Variants in MRPL1 observed in about 807,000 individuals in gnomAD.
MRPL1 encodes the protein large ribosomal subunit protein uL1m.
MRPL1 carries 28 observed loss-of-function variants against 38.0 expected under a neutral mutation model. The ratio of observed to expected loss-of-function variants is 0.74; its 90% CI spans 0.55 to 1.01. The LOEUF is 1.01. Among genes scored for constraint, MRPL1 ranks in the 50% least tolerant of loss-of-function variants. MRPL1 has a pLI of 0.00. For missense variants in MRPL1, 358 were observed against 389.8 expected, an observed-to-expected ratio of 0.92 and a Z score of 0.69; for synonymous variants, 123 against 126.7, an observed-to-expected ratio of 0.97 and a Z score of 0.20.
chr4:77,886,789 CTTTTTTTTTTTTTTTT>C (rs71214375), intron 4 of MRPL1, among the ~76,000 whole-genome samples: 1 of 90,516 alleles, frequency 1.1e-5, no homozygotes, highest in African/African-American at 4.6e-5. Context: ...TTTGCATTTT[CTTTTTTTTTTTTTTTT>C]TTTTTGAGAT....
At position 77,911,169 on chromosome 4, in the gene MRPL1, A is replaced by G. The variant is rs1736279789; in HGVS notation, c.777+1797A>G. On this transcript the variant is annotated intron_variant, in intron 7 of 8. Coordinates refer to ENST00000315567, the MANE Select transcript of MRPL1 (RefSeq NM_020236.4). ...GGTTTTGAAGATTACATAAAATTTTAAAATGGTAACATCTATTGTTATTGT... is the reference window on the plus strand; with the variant it reads ...GGTTTTGAAGATTACATAAAATTTTGAAATGGTAACATCTATTGTTATTGT... 2.6e-5 allele frequency among the ~76,000 whole-genome samples: 4 copies of G among 152,216 alleles called. No homozygotes were observed. In the South Asian group the frequency reaches 6.2e-4, roughly 24 times the overall value.
chr4:77,922,979 T>C (rs1327812607), intron 7 of MRPL1, among the ~76,000 whole-genome samples: 1 of 152,228 alleles, frequency 6.6e-6, no homozygotes, highest in Non-Finnish European at 1.5e-5. Flanking sequence ...TCTTAAACTT[T>C]GATTTTCCTC....
intron 6 of MRPL1, among the ~76,000 whole-genome samples, chr4:77,903,031 G>C (rs1358932385): frequency 2.0e-5 from 3 of 152,090 alleles, no homozygotes; most frequent in Non-Finnish European, 4.4e-5. Flanking sequence ...TGATAACAAA[G>C]GTAGACAAGG....
chr4:77,876,839 G>C (rs952897343), intron 2 of MRPL1, among the ~76,000 whole-genome samples: 9 of 152,024 alleles, frequency 5.9e-5, no homozygotes, highest in African/African-American at 2.2e-4. Context: ...AAGGCCATTA[G>C]GTTGAGTCTG....
chr4:77,943,113 G>C (rs769200520), intron 7 of MRPL1, among the ~76,000 whole-genome samples: 6 of 152,068 alleles, frequency 3.9e-5, no homozygotes, highest in Non-Finnish European at 8.8e-5. Context: ...GTCTGAAAAA[G>C]ATTGTGTATT....
At chr4:77,913,844 AAAG>A (rs1158682970) in intron 7 of MRPL1, among the ~76,000 whole-genome samples, 1 of 152,232 alleles carries the variant, frequency 6.6e-6, no homozygotes, top group Non-Finnish European at 1.5e-5. Context: ...TTGCTGAGTG[AAAG>A]AAGTTAGAAA....
At chr4:77,941,464 T>A (rs1334424491) in intron 7 of MRPL1, among the ~76,000 whole-genome samples, 13 of 152,206 alleles carry the variant, frequency 8.5e-5, no homozygotes, top group African/African-American at 2.9e-4. Flanking sequence ...TCTTTGAATG[T>A]CTGATATCAT....
intron 6 of MRPL1, among the ~76,000 whole-genome samples, chr4:77,900,497 G>A (rs1028111475): frequency 3.9e-5 from 6 of 152,298 alleles, no homozygotes; most frequent in African/African-American, 1.2e-4. Flanking sequence ...AGCATGAATA[G>A]GCATTTGCTT....
intron 2 of MRPL1, among the ~76,000 whole-genome samples, chr4:77,877,682 C>G (rs552432355): frequency 6.7e-6 from 1 of 148,934 alleles, no homozygotes; most frequent in Non-Finnish European, 1.5e-5. Flanking sequence ...CTCAGCATTT[C>G]TGTTCCTTCT....
intron 5 of MRPL1, among the ~76,000 whole-genome samples, chr4:77,893,608 C>T (rs1011843071): frequency 1.3e-5 from 2 of 151,914 alleles, no homozygotes; most frequent in African/African-American, 2.4e-5. Flanking sequence ...TTGATCACCA[C>T]GTCTTCTTTT....
chr4:77,876,177 T>G (rs528016618), intron 2 of MRPL1, among the ~76,000 whole-genome samples: 1 of 152,236 alleles, frequency 6.6e-6, no homozygotes, highest in East Asian at 1.9e-4. Flanking sequence ...TTCACCATGT[T>G]GGCCAGGCTG....
chr4:77,891,335 G>A (rs1264831936), intron 5 of MRPL1, among the ~76,000 whole-genome samples: 1 of 148,030 alleles, frequency 6.8e-6, no homozygotes, highest in Non-Finnish European at 1.5e-5. Context: ...CACTCCTTTG[G>A]TTCAGTTTTT....
intron 6 of MRPL1, among the ~76,000 whole-genome samples, chr4:77,894,833 G>A (rs1735879528): frequency 6.6e-6 from 1 of 152,102 alleles, no homozygotes; most frequent in South Asian, 2.1e-4. Flanking sequence ...ATCAGGGAAG[G>A]CATCATAAAA....
At position 77,877,589 on chromosome 4, in the gene MRPL1, A is replaced by ATT. The variant is rs58774105; in HGVS notation, c.144-5634_144-5633dup. 3.1e-3 allele frequency among the ~76,000 whole-genome samples: 347 copies of ATT among 113,430 alleles called. 1 individual carries two copies. The highest frequency in any genetic ancestry group is 7.8e-3 in the African/African-American group (234 of 29,856). 74.4% of individuals were successfully genotyped at this position (113,430 alleles called of 152,430 possible). ...TTCCTGGTGATGGGTGTTGGGAGGGATTTTTTTTTTTTTTTTTTTTAAATA... is the reference window on the plus strand; with the variant it reads ...TTCCTGGTGATGGGTGTTGGGAGGGATTTTTTTTTTTTTTTTTTTTTTAAATA... On this transcript the variant is annotated intron_variant, in intron 2 of 8. Transcript: ENST00000315567.
At chr4:77,914,709 TTG>T (rs370505471) in intron 7 of MRPL1, among the ~76,000 whole-genome samples, 7 of 140,062 alleles carry the variant, frequency 5.0e-5, no homozygotes, top group South Asian at 4.7e-4. Flanking sequence ...GATGTGGTAT[TTG>T]TGTGTGTGTG....
chr4:77,943,715 C>T (rs982515609), intron 7 of MRPL1, among the ~76,000 whole-genome samples: 3 of 151,904 alleles, frequency 2.0e-5, no homozygotes, highest in African/African-American at 7.3e-5. Flanking sequence ...CCTTCATTTC[C>T]GGAAGTTTTG....
At chr4:77,885,231 T>C (rs1352987738) in intron 3 of MRPL1, 25 bp from the exon 4 acceptor site, 25 of 1,538,290 alleles carry the variant, frequency 1.6e-5, no homozygotes, top group Non-Finnish European at 2.2e-5. Flanking sequence ...CTTTACGTAA[T>C]TATTTTTCCT....
intron 7 of MRPL1, among the ~76,000 whole-genome samples, chr4:77,915,520 C>T (rs1178807224): frequency 6.6e-6 from 1 of 152,116 alleles, no homozygotes; most frequent in African/African-American, 2.4e-5. Context: ...AAGTGATCCT[C>T]CCATCTCAGC....
intron 7 of MRPL1, among the ~76,000 whole-genome samples, chr4:77,928,791 T>C (rs1287478047): frequency 3.3e-5 from 5 of 151,938 alleles, no homozygotes; most frequent in Non-Finnish European, 7.4e-5. Context: ...GATCAAAAAC[T>C]ATTTTTGATC....
Sources: allele counts gnomAD v4.1 joint callset (sites outside exome capture counted in the v4.1 genomes callset), GRCh38; gene constraint gnomAD v4.1.1; transcripts MANE v1.5; gene names NCBI Gene and HGNC (gene_info 2026-07-23, HGNC 2026-07-21).